CNBD1: variants seen among roughly 807,000 people sequenced by gnomAD.
CNBD1 encodes the protein cyclic nucleotide binding domain containing 1, also known as cyclic nucleotide-binding domain-containing protein 1.
Under a neutral mutation model 54.4 loss-of-function variants are expected in CNBD1, and 71 were observed. The ratio of observed to expected loss-of-function variants is 1.30; its 90% confidence interval spans 1.08 to 1.59. CNBD1 has a LOEUF of 1.59. Ranked by LOEUF, CNBD1 falls within the 40% of genes most tolerant of loss-of-function variation. The pLI, the probability that CNBD1 is intolerant of heterozygous loss-of-function variation, is 0.00. For synonymous variants in CNBD1, 182 were observed against 170.7 expected, an observed-to-expected ratio of 1.07 and a Z score of -0.51; for missense variants, 659 against 518.0, an observed-to-expected ratio of 1.27 and a Z score of -2.64.
At chr8:86,901,974 C>T (rs943351884) in intron 2 of CNBD1, among the ~76,000 whole-genome samples, 1 of 152,120 alleles carries the variant, frequency 6.6e-6, no homozygotes, top group Non-Finnish European at 1.5e-5. Context: ...GACCCTTAAT[C>T]TTAGAGCAAG....
intron 5 of CNBD1, among the ~76,000 whole-genome samples, chr8:87,212,906 G>A (rs1814131399): frequency 6.6e-6 from 1 of 151,886 alleles, no homozygotes; most frequent in Non-Finnish European, 1.5e-5. Flanking sequence ...AATCAATAAG[G>A]CAAAAATGCA....
chr8:87,078,042 T>C (rs1810912055), intron 4 of CNBD1, among the ~76,000 whole-genome samples: 1 of 152,184 alleles, frequency 6.6e-6, no homozygotes, highest in South Asian at 2.1e-4. Context: ...CTTCCAAATG[T>C]CATCACATTA....
At chr8:87,255,993 ATATATATATATATATATATATATTTT>A (rs1407705611) in intron 6 of CNBD1, among the ~76,000 whole-genome samples, 14 of 12,756 alleles carry the variant, frequency 1.1e-3, no homozygotes, top group Non-Finnish European at 1.4e-3. Context: ...ATATATATAT[ATATATATATATATATATATATATTTT>A]TTTTTTTTTT....
chr8:87,246,741 T>G (rs563730183), intron 6 of CNBD1, among the ~76,000 whole-genome samples: 1 of 152,064 alleles, frequency 6.6e-6, no homozygotes, highest in Non-Finnish European at 1.5e-5. Context: ...CTCCCCAACC[T>G]TTTTGTCACC....
At chr8:86,974,787 ATTC>A (rs1226513418) in intron 4 of CNBD1, among the ~76,000 whole-genome samples, 2 of 152,022 alleles carry the variant, frequency 1.3e-5, no homozygotes, top group Non-Finnish European at 2.9e-5. Flanking sequence ...GAAATGTTCT[ATTC>A]TTAAGCTGGA....
At chr8:87,151,945 A>C (rs1023727985) in intron 4 of CNBD1, among the ~76,000 whole-genome samples, 2 of 152,102 alleles carry the variant, frequency 1.3e-5, no homozygotes, top group Admixed American at 6.5e-5. Context: ...TATATAACTT[A>C]ATCATCATCA....
chr8:87,128,911 G>A (rs1417605558), intron 4 of CNBD1, among the ~76,000 whole-genome samples: 4 of 141,544 alleles, frequency 2.8e-5, no homozygotes, highest in South Asian at 2.3e-4. Flanking sequence ...GTGAAACCCC[G>A]TCTCCACTTA....
rs149582875 is a variant in CNBD1 at position 87,397,329 on chromosome 8, G to C, written c.214-31217G>C. Among the ~76,000 whole-genome samples the C allele has an allele frequency of 3.0e-3, 458 of 151,978 alleles. 5 individuals are homozygous for C. The highest frequency in any genetic ancestry group is 9.9e-3 in the African/African-American group (411 of 41,542). On this transcript the variant is annotated intron_variant, in intron 2 of 7. Coordinates refer to the CNBD1 transcript ENST00000521593. ...CAGAATACCTACTTTCCTAGTTAGT[G>C]TGCTTCATCCATCATCTTGACCCAG...
chr8:87,067,207 A>G (rs1223987401), intron 4 of CNBD1, among the ~76,000 whole-genome samples: 3 of 152,012 alleles, frequency 2.0e-5, no homozygotes, highest in Non-Finnish European at 4.4e-5. Flanking sequence ...CTTATAGATT[A>G]ACAAAGTTTA....
chr8:87,137,459 C>T (rs746731081), intron 4 of CNBD1, among the ~76,000 whole-genome samples: 9 of 151,836 alleles, frequency 5.9e-5, no homozygotes, highest in Non-Finnish European at 1.3e-4. Context: ...GCCTCAGCCT[C>T]CCAAAGTGCT....
chr8:86,987,692 T>C (rs1808639010), intron 4 of CNBD1, among the ~76,000 whole-genome samples: 1 of 152,170 alleles, frequency 6.6e-6, no homozygotes, highest in Admixed American at 6.5e-5. Flanking sequence ...TCCTCGTCTG[T>C]TGGGAGTTTG....
At chr8:86,874,281 G>T (rs1437836154) in intron 1 of CNBD1, among the ~76,000 whole-genome samples, 1 of 152,166 alleles carries the variant, frequency 6.6e-6, no homozygotes, top group Non-Finnish European at 1.5e-5. Context: ...GATACTGGGA[G>T]ACAACAAAGC....
intron 10 of CNBD1, among the ~76,000 whole-genome samples, chr8:87,376,872 A>G (rs1166512754): frequency 6.6e-6 from 1 of 151,840 alleles, no homozygotes; most frequent in African/African-American, 2.4e-5. Flanking sequence ...TTCTTATTTT[A>G]TAGATTAAAA....
At chr8:87,249,616 G>A (rs1001806814) in intron 6 of CNBD1, among the ~76,000 whole-genome samples, 1 of 152,074 alleles carries the variant, frequency 6.6e-6, no homozygotes, top group African/African-American at 2.4e-5. Context: ...TTAGTTTAAA[G>A]CAATCAATTA....
chr8:86,913,605 G>A (rs969353794), intron 3 of CNBD1, among the ~76,000 whole-genome samples: 3 of 152,114 alleles, frequency 2.0e-5, no homozygotes, highest in African/African-American at 7.2e-5. Flanking sequence ...ATTTTCAAAG[G>A]GGAGGGAATG....
rs1177789010 is a variant in CNBD1, at chr8:87,414,685, T to G, written c.214-13861T>G. ...ACCACAACTGTTAATTAATTAAACA[T>G]TACTGGTTATCCTTGTTATGTATTT... On this transcript the variant is annotated intron_variant, in intron 2 of 7. Transcript: ENST00000521593. Among the ~76,000 whole-genome samples the G allele has an allele frequency of 1.3e-5, 2 of 152,040 alleles. 1 individual carries two copies. Among genetic ancestry groups the G allele is most frequent in the Non-Finnish European group, 2.9e-5 (2 of 67,986 alleles).
In CNBD1 at chr8:87,199,256, C is replaced by T. The variant is rs117524528; in HGVS notation, c.432-6737C>T. On this transcript the variant is annotated intron_variant, in intron 4 of 10. Coordinates refer to ENST00000518476, the MANE Select transcript of CNBD1 (RefSeq NM_173538.3). Reference sequence around the variant, plus strand: ...GAGAAAGTGCCACAAAATTAAAAAGCGACAAACAGAGATTCTGGAATTGAA... The same window carrying T: ...GAGAAAGTGCCACAAAATTAAAAAGTGACAAACAGAGATTCTGGAATTGAA... Among the ~76,000 whole-genome samples the T allele has an allele frequency of 3.9e-4, 59 of 152,228 alleles. No homozygotes were observed. In the East Asian group the frequency reaches 8.3e-3, roughly 21 times the overall value.
At chr8:86,903,752 A>T (rs959539544) in intron 2 of CNBD1, among the ~76,000 whole-genome samples, 10 of 152,092 alleles carry the variant, frequency 6.6e-5, no homozygotes, top group Admixed American at 3.9e-4. Context: ...AATGTGCAAT[A>T]ATACAAAACA....
chr8:87,121,007 T>C (rs1422646513), intron 4 of CNBD1, among the ~76,000 whole-genome samples: 3 of 152,100 alleles, frequency 2.0e-5, no homozygotes, highest in Admixed American at 6.5e-5. Flanking sequence ...ATGTTGATAA[T>C]ATTTTACTAT....
Sources: gnomAD v4.1 joint callset for allele counts (sites outside exome capture counted in the v4.1 genomes callset) on GRCh38, gnomAD v4.1.1 for gene constraint, MANE v1.5 for transcripts, NCBI Gene and HGNC (gene_info 2026-07-23, HGNC 2026-07-21) for gene names.